Variants in ADARB2 observed in about 807,000 individuals in gnomAD.
ADARB2 encodes inactive double-stranded RNA-specific editase B2.
In ADARB2, 25 loss-of-function variants were observed where a neutral mutation model predicts 62.2. The observed-to-expected ratio is 0.40, with a 90% confidence interval of 0.29 to 0.56. The LOEUF is 0.56. ADARB2 is among the 20% of genes least tolerant of loss of function. The pLI is 0.43. For missense variants in ADARB2, 1,071 were observed against 1,077.4 expected (o/e 0.99, Z 0.08); for synonymous variants, 572 against 500.8 (o/e 1.14, Z -1.90).
chr10:1,355,920 C>T (rs1416481822), intron 3 of ADARB2, among the ~76,000 whole-genome samples: 2 of 152,038 alleles, frequency 1.3e-5, no homozygotes, highest in Non-Finnish European at 2.9e-5. Context: ...AAATATATAG[C>T]ATACATTGTA....
At chr10:1,712,701 C>T (rs922637032) in intron 1 of ADARB2, among the ~76,000 whole-genome samples, 13 of 139,870 alleles carry the variant, frequency 9.3e-5, no homozygotes, top group Non-Finnish European at 2.0e-4. Flanking sequence ...CTCTGCCTCC[C>T]GGGTTCACGC....
intron 1 of ADARB2, among the ~76,000 whole-genome samples, chr10:1,516,792 C>T (rs1176317068): frequency 6.6e-6 from 1 of 152,182 alleles, no homozygotes; most frequent in Non-Finnish European, 1.5e-5. Flanking sequence ...GGTAAAGTGA[C>T]ACAAAAAGGT....
At chr10:1,597,432 AT>A (rs1323212023) in intron 1 of ADARB2, among the ~76,000 whole-genome samples, 14 of 152,262 alleles carry the variant, frequency 9.2e-5, no homozygotes, top group African/African-American at 2.7e-4. Flanking sequence ...CAGAAAAAAA[AT>A]AACCTCATTA....
chr10:1,582,200 A>G (rs1163236507), intron 1 of ADARB2, among the ~76,000 whole-genome samples: 4 of 143,560 alleles, frequency 2.8e-5, no homozygotes, highest in East Asian at 2.4e-4. Context: ...GACACAGGAA[A>G]CCATTTGGAG....
chr10:1,421,109 T>A (rs1187168884), intron 1 of ADARB2, among the ~76,000 whole-genome samples: 1 of 149,414 alleles, frequency 6.7e-6, no homozygotes, highest in Non-Finnish European at 1.5e-5. Flanking sequence ...GTGAGTCAGG[T>A]CCCCAGGATG....
At chr10:1,264,349 A>C (rs1194538002) in intron 4 of ADARB2, among the ~76,000 whole-genome samples, 3 of 152,212 alleles carry the variant, frequency 2.0e-5, no homozygotes, top group East Asian at 1.9e-4. Context: ...ACGGAAGGAA[A>C]GGTTTTGAAA....
intron 1 of ADARB2, among the ~76,000 whole-genome samples, chr10:1,561,213 T>G (rs569899116): frequency 7.9e-5 from 12 of 152,322 alleles, no homozygotes; most frequent in African/African-American, 2.9e-4. Flanking sequence ...TGTGTGTGGG[T>G]CACTGGCAGC....
chr10:1,336,201 G>A (rs143789827), intron 3 of ADARB2, among the ~76,000 whole-genome samples: 4 of 152,260 alleles, frequency 2.6e-5, no homozygotes, highest in African/African-American at 9.6e-5. Context: ...ATCCTGTAAC[G>A]CATTTAAGAT....
chr10:1,487,900 A>T (rs1484909853), intron 1 of ADARB2, among the ~76,000 whole-genome samples: 1 of 148,772 alleles, frequency 6.7e-6, no homozygotes, highest in African/African-American at 2.4e-5. Flanking sequence ...AGGAGGAAGA[A>T]AAAAGGAAAC....
At chr10:1,194,205 C>T (rs575594299) in intron 8 of ADARB2, among the ~76,000 whole-genome samples, 19 of 152,294 alleles carry the variant, frequency 1.2e-4, no homozygotes, top group South Asian at 1.0e-3. Flanking sequence ...ACATTCAACG[C>T]GATTAACATT....
chr10:1,394,879 T>G (rs1480440003), intron 1 of ADARB2: 1 of 456,860 alleles, frequency 2.2e-6, no homozygotes, highest in Non-Finnish European at 4.4e-6. Flanking sequence ...TCATTTTTTC[T>G]TTTCTTTTCT....
At chr10:1,718,155 C>G (rs1024112580) in intron 1 of ADARB2, among the ~76,000 whole-genome samples, 1 of 152,154 alleles carries the variant, frequency 6.6e-6, no homozygotes, top group Non-Finnish European at 1.5e-5. Flanking sequence ...GCTGAGAAAA[C>G]CTAACACACA....
chr10:1,514,225 TA>T (rs1328028775), intron 1 of ADARB2, among the ~76,000 whole-genome samples: 1 of 105,688 alleles, frequency 9.5e-6, no homozygotes, highest in Non-Finnish European at 2.0e-5. Context: ...CAAAAATACA[TA>T]AATATATAAA....
At chr10:1,735,944 G>A (rs963871699) in intron 1 of ADARB2, among the ~76,000 whole-genome samples, 1 of 152,168 alleles carries the variant, frequency 6.6e-6, no homozygotes, top group Admixed American at 6.5e-5. Context: ...CTTATCTTAG[G>A]CCAATGCAAA....
At chr10:1,535,728 C>T (rs542586953) in intron 1 of ADARB2, 6 of 167,218 alleles carry the variant, frequency 3.6e-5, no homozygotes, top group Non-Finnish European at 7.3e-5. Context: ...CACCCTGTCC[C>T]GGGTGGCTCG....
At position 1,391,074 on chromosome 10, in the gene ADARB2, C is replaced by T. The variant is rs545728839; in HGVS notation, c.101-11914G>A. Among the ~76,000 whole-genome samples the T allele has an allele frequency of 8.5e-5, 13 of 152,290 alleles. No individual in the cohort carries two copies. The East Asian group carries it at 1.2e-3, about 14-fold the overall frequency. ...TCTAAGATGAAAGTTTACTAGCCTG[C>T]GAAATAGCTCATTTTGTCTGTTCTT... On this transcript the variant is annotated intron_variant, in intron 1 of 9. Transcript: ENST00000381312.
chr10:1,371,642 G>T (rs1338695505), intron 2 of ADARB2, among the ~76,000 whole-genome samples: 1 of 151,956 alleles, frequency 6.6e-6, no homozygotes, highest in Non-Finnish European at 1.5e-5. Flanking sequence ...TGGGCAAAGG[G>T]CATGAACAGA....
chr10:1,553,123 T>C (rs915210479), intron 1 of ADARB2, among the ~76,000 whole-genome samples: 1 of 151,766 alleles, frequency 6.6e-6, no homozygotes. Flanking sequence ...GCACCATCTC[T>C]GAATGCTACC....
At chr10:1,485,996 A>T (rs1382881481) in intron 1 of ADARB2, among the ~76,000 whole-genome samples, 1 of 152,160 alleles carries the variant, frequency 6.6e-6, no homozygotes, top group Non-Finnish European at 1.5e-5. Context: ...ATTAAAATCT[A>T]TTTCAGCTGG....
Sources: allele counts gnomAD v4.1 joint callset (sites outside exome capture counted in the v4.1 genomes callset), GRCh38; gene constraint gnomAD v4.1.1; transcripts MANE v1.5; gene names NCBI Gene and HGNC (gene_info 2026-07-23, HGNC 2026-07-21).